Variants in MTHFD1L observed in about 807,000 individuals in gnomAD.
MTHFD1L encodes the protein monofunctional C1-tetrahydrofolate synthase, mitochondrial.
MTHFD1L carries 81 observed loss-of-function variants against 119.5 expected under a neutral mutation model. The observed-to-expected ratio is 0.68, with a 90% confidence interval of 0.57 to 0.82. The LOEUF (loss-of-function observed/expected upper bound fraction) is 0.82, where lower values mean the gene tolerates loss of function less well. MTHFD1L is among the 40% of genes least tolerant of loss of function. The pLI is 0.00. For synonymous variants in MTHFD1L, 430 were observed against 475.2 expected, an observed-to-expected ratio of 0.90 and a Z score of 1.24; for missense variants, 1,125 against 1,253.4, an observed-to-expected ratio of 0.90 and a Z score of 1.55.
At chr6:150,991,575 AG>A (rs1779073250) in intron 20 of MTHFD1L, among the ~76,000 whole-genome samples, 1 of 152,170 alleles carries the variant, frequency 6.6e-6, no homozygotes, top group Admixed American at 6.6e-5. Flanking sequence ...TTTTTATAAA[AG>A]GAAAAAATGA....
intron 26 of MTHFD1L, among the ~76,000 whole-genome samples, chr6:151,064,529 G>A (rs1407075141): frequency 6.6e-6 from 1 of 152,120 alleles, no homozygotes; most frequent in East Asian, 1.9e-4. Context: ...TGGCCAGGCT[G>A]TTCTTGAACT....
At chr6:150,992,287 C>T (rs774526241) in intron 20 of MTHFD1L, among the ~76,000 whole-genome samples, 2 of 152,152 alleles carry the variant, frequency 1.3e-5, no homozygotes, top group South Asian at 2.1e-4. Context: ...AAAAACAAAA[C>T]GGGTTGTGGA....
chr6:151,070,204 A>T (rs560019192), intron 26 of MTHFD1L, among the ~76,000 whole-genome samples: 1 of 152,340 alleles, frequency 6.6e-6, no homozygotes, highest in East Asian at 1.9e-4. Context: ...ATAATCCACA[A>T]AGTAGATTCT....
chr6:151,075,158 G>A (rs1235237836), intron 26 of MTHFD1L, among the ~76,000 whole-genome samples: 9 of 152,028 alleles, frequency 5.9e-5, no homozygotes, highest in African/African-American at 1.7e-4. Context: ...CAACTATATC[G>A]ATAATCACAC....
intron 16 of MTHFD1L, among the ~76,000 whole-genome samples, 156 bp from the exon 17 acceptor site, chr6:150,955,839 C>A (rs1269473086): frequency 1.3e-5 from 2 of 152,028 alleles, no homozygotes; most frequent in Admixed American, 6.6e-5. Context: ...TTATTTGATT[C>A]TTTCTCTATG....
chr6:151,048,941 T>C (rs1261796650), intron 26 of MTHFD1L, among the ~76,000 whole-genome samples: 1 of 152,204 alleles, frequency 6.6e-6, no homozygotes, highest in African/African-American at 2.4e-5. Flanking sequence ...ATCCTGACAC[T>C]GTCTACCTGG....
At position 150,898,981 on chromosome 6, in the gene MTHFD1L, A is replaced by G. The variant is rs531457958; in HGVS notation, c.781-6669A>G. The G allele has an allele frequency of 7.8e-6, 8 of 1,029,238 alleles. 1 individual carries two copies. Among genetic ancestry groups the G allele is most frequent in the Non-Finnish European group, 9.3e-6 (8 of 857,252 alleles). 63.8% of individuals were successfully genotyped at this position (1,029,238 alleles called of 1,614,324 possible). ...GGGAATTATTTTTGATGAGTCATTAAAGTATATCCATTCCCAGAATGGTGC... is the reference window on the plus strand; with the variant it reads ...GGGAATTATTTTTGATGAGTCATTAGAGTATATCCATTCCCAGAATGGTGC... On this transcript the variant is annotated intron_variant, in intron 7 of 27. Transcript: ENST00000367321.
intron 26 of MTHFD1L, among the ~76,000 whole-genome samples, chr6:151,075,053 A>G (rs1256517567): frequency 6.6e-6 from 1 of 152,238 alleles, no homozygotes; most frequent in African/African-American, 2.4e-5. Flanking sequence ...AAATGAAATC[A>G]TTAAAAATAA....
At chr6:150,881,283 C>T (rs1781359041) in intron 4 of MTHFD1L, among the ~76,000 whole-genome samples, 1 of 151,680 alleles carries the variant, frequency 6.6e-6, no homozygotes, top group Admixed American at 6.6e-5. Context: ...CGATGAGGGC[C>T]TACTTTCATT....
At chr6:150,898,365 A>G (rs939608614) in intron 7 of MTHFD1L, among the ~76,000 whole-genome samples, 1 of 152,170 alleles carries the variant, frequency 6.6e-6, no homozygotes, top group Non-Finnish European at 1.5e-5. Flanking sequence ...GACTCCACTC[A>G]TGGTGCTCTC....
chr6:150,895,312 C>T (rs58888264), intron 7 of MTHFD1L, among the ~76,000 whole-genome samples: 6,631 of 152,208 alleles, frequency 0.044, 473 homozygotes, highest in African/African-American at 0.15. Flanking sequence ...GCCCTCTGCA[C>T]GGAAGGGAGA....
At chr6:150,883,551 A>G (rs550214401) in intron 5 of MTHFD1L, among the ~76,000 whole-genome samples, 1 of 152,304 alleles carries the variant, frequency 6.6e-6, no homozygotes, top group Admixed American at 6.5e-5. Flanking sequence ...CTGATTCCCC[A>G]GCAGTACCAT....
At chr6:151,027,372 A>T (rs550578753) in intron 24 of MTHFD1L, among the ~76,000 whole-genome samples, 4 of 152,252 alleles carry the variant, frequency 2.6e-5, no homozygotes, top group East Asian at 1.9e-4. Context: ...TGACGTCTTG[A>T]AAGGACTTGC....
At chr6:150,915,900 G>A (rs372216721) in intron 8 of MTHFD1L, among the ~76,000 whole-genome samples, 5 of 152,188 alleles carry the variant, frequency 3.3e-5, no homozygotes, top group East Asian at 1.9e-4. Context: ...CACCGCACCC[G>A]GATGCTTTTT....
chr6:151,013,724 G>T, intron 21 of MTHFD1L, 55 bp from the exon 22 acceptor site: 1 of 1,442,144 alleles, frequency 6.9e-7, no homozygotes. Context: ...CTTTCAGATC[G>T]GTTGTGTAAG....
chr6:151,052,794 A>T (rs1435365433), intron 26 of MTHFD1L, among the ~76,000 whole-genome samples: 1 of 152,194 alleles, frequency 6.6e-6, no homozygotes, highest in Non-Finnish European at 1.5e-5. Flanking sequence ...TCACTCTTTA[A>T]TGCAGAAAAG....
intron 25 of MTHFD1L, among the ~76,000 whole-genome samples, chr6:151,036,612 A>G (rs1786211960): frequency 6.6e-6 from 1 of 152,178 alleles, no homozygotes; most frequent in Non-Finnish European, 1.5e-5. Flanking sequence ...TCTCCAGACT[A>G]CCTTGCTGGG....
chr6:150,904,989 A>G (rs1231233189), intron 7 of MTHFD1L, among the ~76,000 whole-genome samples: 1 of 150,784 alleles, frequency 6.6e-6, no homozygotes, highest in Non-Finnish European at 1.5e-5. Flanking sequence ...CAGGCCAGCA[A>G]GCCCCCTGTG....
At chr6:150,924,373 A>G (rs1167266291) in intron 10 of MTHFD1L, among the ~76,000 whole-genome samples, 1 of 152,048 alleles carries the variant, frequency 6.6e-6, no homozygotes, top group East Asian at 1.9e-4. Context: ...GGGTTTCACC[A>G]TGTTTGCCAG....
Sources: gnomAD v4.1 joint callset for allele counts (sites outside exome capture counted in the v4.1 genomes callset) on GRCh38, gnomAD v4.1.1 for gene constraint, MANE v1.5 for transcripts, NCBI Gene and HGNC (gene_info 2026-07-23, HGNC 2026-07-21) for gene names.